Variants in TTLL5 observed in about 807,000 individuals in gnomAD.
TTLL5 encodes the protein tubulin polyglutamylase TTLL5.
Under a neutral mutation model 168.4 loss-of-function variants are expected in TTLL5, and 132 were observed. The observed-to-expected ratio is 0.78, with a 90% CI of 0.68 to 0.91. The LOEUF is 0.91. Among genes scored for constraint, TTLL5 ranks in the 40% least tolerant of loss-of-function variants. TTLL5 has a pLI of 0.00. For synonymous variants in TTLL5, 546 were observed against 558.6 expected, an observed-to-expected ratio of 0.98 and a Z score of 0.32; for missense variants, 1,545 against 1,581.5, an observed-to-expected ratio of 0.98 and a Z score of 0.39.
At chr14:75,754,102 A>G (rs550846828) in intron 18 of TTLL5, among the ~76,000 whole-genome samples, 3 of 152,182 alleles carry the variant, frequency 2.0e-5, no homozygotes, top group African/African-American at 7.2e-5. Flanking sequence ...TTCCAAAACT[A>G]AATTAATCTT....
intron 30 of TTLL5, among the ~76,000 whole-genome samples, 195 bp downstream of exon 30, chr14:75,883,097 A>G (rs1030871440): frequency 6.6e-6 from 1 of 152,264 alleles, no homozygotes; most frequent in South Asian, 2.1e-4. Context: ...AAACAAGCAG[A>G]TGGCAGGGCT....
At chr14:75,834,513 A>G (rs961344333) in intron 28 of TTLL5, among the ~76,000 whole-genome samples, 8 of 152,056 alleles carry the variant, frequency 5.3e-5, no homozygotes, top group African/African-American at 1.9e-4. Flanking sequence ...TTATTTGGCA[A>G]ACACTTTTTA....
intron 31 of TTLL5, among the ~76,000 whole-genome samples, chr14:75,923,075 G>A (rs2033885762): frequency 6.6e-6 from 1 of 152,022 alleles, no homozygotes; most frequent in East Asian, 1.9e-4. Context: ...ATTTTTTATT[G>A]CGTCTATTTG....
chr14:75,672,506 G>A (rs182744450), intron 3 of TTLL5, among the ~76,000 whole-genome samples: 7 of 152,112 alleles, frequency 4.6e-5, no homozygotes, highest in Non-Finnish European at 1.5e-5. Flanking sequence ...GCCTCCCAAA[G>A]TGCTGGGATT....
chr14:75,768,394 A>G (rs894230762), intron 20 of TTLL5, among the ~76,000 whole-genome samples: 5 of 152,182 alleles, frequency 3.3e-5, no homozygotes, highest in Middle Eastern at 3.2e-3. Flanking sequence ...TTGTGAGTGG[A>G]GAAAATAAGA....
chr14:75,928,384 T>A, intron 31 of TTLL5, among the ~76,000 whole-genome samples: 1 of 141,612 alleles, frequency 7.1e-6, no homozygotes, highest in African/African-American at 2.6e-5. Flanking sequence ...TATTTCTGCT[T>A]TACTCTATCA....
intron 3 of TTLL5, among the ~76,000 whole-genome samples, chr14:75,676,504 C>T (rs1243701511): frequency 3.3e-5 from 5 of 152,126 alleles, no homozygotes; most frequent in Admixed American, 1.3e-4. Context: ...AGAGGGCTAC[C>T]GGACACAGAG....
At chr14:75,946,466 A>G (rs2034776506) in intron 31 of TTLL5, among the ~76,000 whole-genome samples, 1 of 152,204 alleles carries the variant, frequency 6.6e-6, no homozygotes, top group African/African-American at 2.4e-5. Context: ...GGTAGAACAA[A>G]TAGAAAGCAC....
At chr14:75,929,163 G>A (rs2034188804) in intron 31 of TTLL5, among the ~76,000 whole-genome samples, 1 of 152,092 alleles carries the variant, frequency 6.6e-6, no homozygotes, top group South Asian at 2.1e-4. Context: ...GAAGTGTTTA[G>A]AATAAAACTA....
chr14:75,720,508 C>T, intron 11 of TTLL5, 88 bp from the exon 12 acceptor site: 2 of 1,013,798 alleles, frequency 2.0e-6, no homozygotes, highest in Non-Finnish European at 3.0e-6. Flanking sequence ...AGCACACATG[C>T]TTTTATAGTT....
chr14:75,773,903 A>AATAT (rs1891494344), intron 21 of TTLL5, among the ~76,000 whole-genome samples: 1 of 74,686 alleles, frequency 1.3e-5, no homozygotes, highest in African/African-American at 4.2e-5. Context: ...AAAAAAAAAA[A>AATAT]ATACATATAT....
intron 6 of TTLL5, among the ~76,000 whole-genome samples, chr14:75,695,862 G>A (rs1447021636): frequency 2.9e-4 from 24 of 83,898 alleles, no homozygotes; most frequent in African/African-American, 9.9e-4. Context: ...CCTTCCTCCC[G>A]CTACCTTTCC....
chr14:75,914,052 A>ATT (rs1555356365), intron 31 of TTLL5, among the ~76,000 whole-genome samples: 3 of 122,400 alleles, frequency 2.5e-5, no homozygotes, highest in East Asian at 2.6e-4. Context: ...ATATATATAT[A>ATT]TATTTTATCC....
chr14:75,938,375 CA>C (rs200354008), intron 31 of TTLL5, among the ~76,000 whole-genome samples: 1,632 of 152,270 alleles, frequency 0.011, 30 homozygotes, highest in African/African-American at 0.038. Context: ...GAAAAGGAGC[CA>C]GTGGGGGAGC....
intron 12 of TTLL5, among the ~76,000 whole-genome samples, chr14:75,722,107 A>C (rs1887876946): frequency 6.6e-6 from 1 of 152,138 alleles, no homozygotes; most frequent in Non-Finnish European, 1.5e-5. Context: ...GCTGTACTAT[A>C]GTATACTTCT....
chr14:75,755,271 AT>A (rs66635183), intron 18 of TTLL5, among the ~76,000 whole-genome samples: 110,623 of 141,952 alleles, frequency 0.78, 41,176 homozygotes, highest in Admixed American at 0.82. Flanking sequence ...GTCTCCAAAA[AT>A]AATAATAATA....
intron 18 of TTLL5, among the ~76,000 whole-genome samples, chr14:75,759,684 CTG>C (rs1301701315): frequency 6.6e-6 from 1 of 152,028 alleles, no homozygotes; most frequent in African/African-American, 2.4e-5. Context: ...ATACATATGA[CTG>C]AGATTTTCCC....
At chr14:75,917,763 G>C (rs908450263) in intron 31 of TTLL5, among the ~76,000 whole-genome samples, 2 of 152,332 alleles carry the variant, frequency 1.3e-5, no homozygotes, top group African/African-American at 4.8e-5. Context: ...CATGGATGTA[G>C]ATGAAGCTCT....
intron 18 of TTLL5, among the ~76,000 whole-genome samples, chr14:75,761,051 C>T (rs73311411): frequency 0.015 from 2,260 of 152,154 alleles, 56 homozygotes; most frequent in African/African-American, 0.052. Flanking sequence ...AAAAGACCAT[C>T]AACCCAATTA....
Sources: gnomAD v4.1 joint callset for allele counts (sites outside exome capture counted in the v4.1 genomes callset) on GRCh38, gnomAD v4.1.1 for gene constraint, MANE v1.5 for transcripts, NCBI Gene and HGNC (gene_info 2026-07-23, HGNC 2026-07-21) for gene names.